The following SHC3 variants were observed in gnomAD, a reference collection of about 807,000 sequenced individuals.
SHC3 encodes the protein SHC adaptor protein 3.
SHC3 carries 15 observed loss-of-function variants against 60.4 expected under a neutral mutation model. The ratio of observed to expected loss-of-function variants is 0.25; its 90% CI spans 0.17 to 0.38. The LOEUF (loss-of-function observed/expected upper bound fraction) is 0.38, where lower values mean the gene tolerates loss of function less well. Among genes scored for constraint, SHC3 ranks in the 10% least tolerant of loss-of-function variants. The pLI is 1.00. For synonymous variants in SHC3, 294 were observed against 325.9 expected, an observed-to-expected ratio of 0.90 and a Z score of 1.05; for missense variants, 677 against 786.1, an observed-to-expected ratio of 0.86 and a Z score of 1.66.
chr9:89,065,434 T>C, intron 6 of SHC3, 95 bp downstream of exon 6: 1 of 1,285,660 alleles, frequency 7.8e-7, no homozygotes, highest in East Asian at 2.3e-5. Context: ...TACTCATTTG[T>C]TGGGAGGGGG....
At chr9:89,063,361 C>G (rs1008372543) in intron 6 of SHC3, among the ~76,000 whole-genome samples, 1 of 152,230 alleles carries the variant, frequency 6.6e-6, no homozygotes, top group Admixed American at 6.5e-5. Context: ...GTCTTCTGAC[C>G]TCATGATCTG....
intron 9 of SHC3, among the ~76,000 whole-genome samples, chr9:89,043,656 T>A (rs9314669): frequency 0.81 from 121,641 of 150,186 alleles, 49,325 homozygotes; most frequent in East Asian, 0.97. Context: ...TTATTTATTT[T>A]TTTTTTTTTT....
intron 2 of SHC3, among the ~76,000 whole-genome samples, chr9:89,094,142 T>G (rs1461171599): frequency 2.0e-5 from 3 of 150,500 alleles, no homozygotes; most frequent in African/African-American, 7.3e-5. Context: ...ATTTGTGCAC[T>G]CTATGAGACC....
chr9:89,064,678 G>C (rs963612097), intron 6 of SHC3, among the ~76,000 whole-genome samples: 4 of 152,068 alleles, frequency 2.6e-5, no homozygotes, highest in Non-Finnish European at 4.4e-5. Context: ...CCGCATCATG[G>C]ATCAGTTCAT....
chr9:89,024,945 G>T (rs2118651443), intron 11 of SHC3, among the ~76,000 whole-genome samples: 1 of 152,308 alleles, frequency 6.6e-6, no homozygotes, highest in South Asian at 2.1e-4. Context: ...AGGGGCAGCT[G>T]GGGCTGAGGA....
intron 2 of SHC3, among the ~76,000 whole-genome samples, chr9:89,093,358 A>C (rs1825653591): frequency 6.6e-6 from 1 of 152,200 alleles, no homozygotes; most frequent in South Asian, 2.1e-4. Context: ...GATTTGGAAA[A>C]GGCTGCTGAC....
intron 5 of SHC3, among the ~76,000 whole-genome samples, chr9:89,066,582 G>A (rs2117981728): frequency 6.6e-6 from 1 of 152,224 alleles, no homozygotes; most frequent in South Asian, 2.1e-4. Context: ...CTTAACTCCT[G>A]AAAGCAGAAA....
At chr9:89,124,079 GA>G (rs566165739) in intron 1 of SHC3, among the ~76,000 whole-genome samples, 89 of 141,722 alleles carry the variant, frequency 6.3e-4, no homozygotes, top group Middle Eastern at 7.1e-3. Flanking sequence ...GCAAACATAT[GA>G]AAAAAAAAAA....
chr9:89,126,119 A>AAAT (rs1826160837), intron 1 of SHC3, among the ~76,000 whole-genome samples: 1 of 152,108 alleles, frequency 6.6e-6, no homozygotes. Context: ...ACCCAAAGGA[A>AAAT]AATCATCTGC....
intron 2 of SHC3, chr9:89,110,391 T>C (rs1825929330): frequency 2.0e-6 from 2 of 985,094 alleles, no homozygotes; most frequent in African/African-American, 1.7e-5. Context: ...AATTAGGACA[T>C]TAGATTTCCC....
At position 89,144,183 on chromosome 9, in the gene SHC3, A is replaced by G. The variant is rs1242137746; in HGVS notation, c.475-31557T>C. Among the ~76,000 whole-genome samples the G allele has an allele frequency of 2.0e-5, 3 of 152,372 alleles. No individual in the cohort carries two copies. The East Asian group carries it at 5.8e-4, about 29-fold the overall frequency. ...TATAAGGACAGACACCAGGCTAGGA[A>G]CTGCACTGACCATCAGAAGGATTCA... is the stretch of plus-strand genomic sequence containing the variant. On this transcript the variant is annotated intron_variant, in intron 1 of 11. Coordinates refer to ENST00000375835, the MANE Select transcript of SHC3 (RefSeq NM_016848.6).
intron 1 of SHC3, among the ~76,000 whole-genome samples, chr9:89,145,446 TA>T (rs879591469): frequency 2.6e-5 from 4 of 152,204 alleles, no homozygotes; most frequent in Non-Finnish European, 5.9e-5. Context: ...AAAAACATAC[TA>T]CTGCTACACA....
At chr9:89,043,612 G>A (rs1824723735) in intron 9 of SHC3, among the ~76,000 whole-genome samples, 1 of 151,796 alleles carries the variant, frequency 6.6e-6, no homozygotes, top group Non-Finnish European at 1.5e-5. Context: ...AAATTAATAA[G>A]TGACATTCTA....
intron 6 of SHC3, among the ~76,000 whole-genome samples, chr9:89,058,686 T>G (rs1587701859): frequency 7.3e-6 from 1 of 136,286 alleles, no homozygotes; most frequent in Non-Finnish European, 1.6e-5. Flanking sequence ...TAGGATGTGA[T>G]GGAGGGCGGT....
chr9:89,049,663 T>C (rs1455161012), intron 7 of SHC3, among the ~76,000 whole-genome samples: 1 of 152,260 alleles, frequency 6.6e-6, no homozygotes, highest in Admixed American at 6.5e-5. Context: ...CTTACGTATT[T>C]AAATTTGGCC....
At chr9:89,098,780 C>G (rs574995292) in intron 2 of SHC3, among the ~76,000 whole-genome samples, 1 of 150,856 alleles carries the variant, frequency 6.6e-6, no homozygotes, top group East Asian at 1.9e-4. Context: ...CACTGCACTC[C>G]AGCGTGGGTG....
intron 1 of SHC3, among the ~76,000 whole-genome samples, chr9:89,125,983 T>C (rs1185394124): frequency 6.6e-6 from 1 of 152,218 alleles, no homozygotes; most frequent in Admixed American, 6.5e-5. Context: ...TTTTACTCTA[T>C]GGATTTGCTT....
chr9:89,055,997 T>A (rs893252045), intron 6 of SHC3, among the ~76,000 whole-genome samples: 16 of 152,254 alleles, frequency 1.1e-4, no homozygotes, highest in African/African-American at 3.6e-4. Context: ...AGCTGTCTTG[T>A]TAGCCGTGAA....
chr9:89,167,935 C>T (rs561982164), intron 1 of SHC3, among the ~76,000 whole-genome samples: 1 of 152,312 alleles, frequency 6.6e-6, no homozygotes, highest in Admixed American at 6.5e-5. Context: ...TGGGCTTGCC[C>T]CCACCTCGAG....
Sources: gnomAD v4.1 joint callset for allele counts (sites outside exome capture counted in the v4.1 genomes callset) on GRCh38, gnomAD v4.1.1 for gene constraint, MANE v1.5 for transcripts, NCBI Gene and HGNC (gene_info 2026-07-23, HGNC 2026-07-21) for gene names.